AP3D1: variants seen among roughly 807,000 people sequenced by gnomAD.
AP3D1 encodes adaptor related protein complex 3 subunit delta 1.
A neutral mutation model predicts 147.6 loss-of-function variants in AP3D1; 51 were observed. The observed-to-expected ratio is 0.35, with a 90% CI of 0.28 to 0.44. AP3D1 has a LOEUF of 0.44. Ranked by LOEUF, AP3D1 falls within the 20% of genes least tolerant of loss-of-function variation. AP3D1 has a pLI of 1.00. For missense variants in AP3D1, 1,421 were observed against 1,624.2 expected, an observed-to-expected ratio of 0.87 and a Z score of 2.15; for synonymous variants, 760 against 663.0, an observed-to-expected ratio of 1.15 and a Z score of -2.25.
intron 5 of AP3D1, among the ~76,000 whole-genome samples, chr19:2,130,977 G>A (rs1026413241): frequency 1.3e-5 from 2 of 152,248 alleles, no homozygotes; most frequent in East Asian, 3.8e-4. Context: ...AATCCATGAT[G>A]GGGCACTGAC....
At chr19:2,126,117 C>G (rs1243649073) in intron 9 of AP3D1, among the ~76,000 whole-genome samples, 2 of 152,172 alleles carry the variant, frequency 1.3e-5, no homozygotes, top group Non-Finnish European at 2.9e-5. Flanking sequence ...GAGACGGGGT[C>G]TCACTCTGTC....
At chr19:2,115,916 A>C (rs2018434320) in intron 18 of AP3D1, among the ~76,000 whole-genome samples, 1 of 152,272 alleles carries the variant, frequency 6.6e-6, no homozygotes, top group South Asian at 2.1e-4. Flanking sequence ...GAGAAAAGTA[A>C]TGCGGCCTCA....
intron 15 of AP3D1, 124 bp from the exon 16 acceptor site, chr19:2,117,491 C>T (rs1003796414): frequency 1.1e-5 from 12 of 1,051,122 alleles, no homozygotes; most frequent in African/African-American, 1.6e-5. Flanking sequence ...AGCCACATAG[C>T]CACAGAGAGC....
chr19:2,155,389 T>A (rs2019636897), upstream of AP3D1, among the ~76,000 whole-genome samples: 1 of 144,328 alleles, frequency 6.9e-6, no homozygotes, highest in Admixed American at 7.0e-5. Context: ...AACAAAAAAT[T>A]AGCTGGGTGT....
At chr19:2,105,368 G>A (rs1599434843) in intron 31 of AP3D1, among the ~76,000 whole-genome samples, 1 of 152,208 alleles carries the variant, frequency 6.6e-6, no homozygotes, top group Non-Finnish European at 1.5e-5. Flanking sequence ...TGAGGGCAAG[G>A]AACACCTGGC....
At chr19:2,124,567 G>C (rs544106483) in intron 9 of AP3D1, among the ~76,000 whole-genome samples, 1 of 152,218 alleles carries the variant, frequency 6.6e-6, no homozygotes, top group Non-Finnish European at 1.5e-5. Context: ...ACAGGAGACC[G>C]TGTGTGCGTG....
In AP3D1 at chr19:2,117,006, G is replaced by A. The variant is rs1206874079; in HGVS notation, c.1859+216C>T. 4 of 803,974 alleles carry A rather than the reference G, an allele frequency of 5.0e-6. No homozygotes were observed. In the East Asian group the frequency reaches 1.1e-4, roughly 23 times the overall value. The allele number at this position is 803,974 out of a possible 1,614,324, so 49.8% of individuals were successfully genotyped here. Reference sequence around the variant, plus strand: ...GAGCTTTATGGCAAGGGTGGGAGCAGGCCCACTTCGCAGGGAGCATCCCCA... The same window carrying A: ...GAGCTTTATGGCAAGGGTGGGAGCAAGCCCACTTCGCAGGGAGCATCCCCA... On this transcript the variant is annotated intron_variant, in intron 16 of 31. Coordinates refer to ENST00000643116, the MANE Select transcript of AP3D1 (RefSeq NM_001261826.3).
chr19:2,116,183 C>A, intron 18 of AP3D1, 24 bp downstream of exon 18: 1 of 1,611,906 alleles, frequency 6.2e-7, no homozygotes, highest in Non-Finnish European at 8.5e-7. Context: ...TGCTGAGGGA[C>A]AGGCACCCGG....
rs371880675 is a variant in AP3D1 at position 2,115,378 on chromosome 19, C to T, written c.2190G>A (p.Glu730=). 6.2e-6 allele frequency: 10 copies of T among 1,607,010 alleles called. No individual in the cohort carries two copies. Among genetic ancestry groups the T allele is most frequent in the Non-Finnish European group, 8.5e-6 (10 of 1,179,906 alleles). The change falls in exon 20 of 32, where the codon GAG becomes GAA. Residue 730 remains glutamate (E), a synonymous_variant. Coordinates refer to ENST00000643116, the MANE Select transcript of AP3D1 (RefSeq NM_001261826.3). ...MSDQYVKLEE[E]RRHRQKLEKD... Reference sequence around the variant, plus strand: ...TCTCCAGCTTCTGCCGGTGCCGCCGCTCCTCCTCCAGCTTCACATACTGAT... The same window carrying T: ...TCTCCAGCTTCTGCCGGTGCCGCCGTTCCTCCTCCAGCTTCACATACTGAT...
intron 2 of AP3D1, among the ~76,000 whole-genome samples, chr19:2,138,333 T>TGCAG (rs1248149704): frequency 1.3e-5 from 2 of 152,196 alleles, no homozygotes; most frequent in Non-Finnish European, 2.9e-5. Flanking sequence ...GAGCCGAGAC[T>TGCAG]GCAGGCGAGG....
rs897412842 is a variant in AP3D1 at position 2,111,249 on chromosome 19, T to A, written c.2985+36A>T. The A allele has an allele frequency of 5.6e-6, 9 of 1,612,580 alleles. No individual in the cohort carries two copies. The East Asian group carries it at 2.0e-4, about 36-fold the overall frequency. ...CGATCCCATGCCAAAGAGTGTGGGC[T>A]GGCCCACCCTGCCCCTGGGAGCGGC... On this transcript the variant is annotated intron_variant, in intron 26 of 31. Coordinates refer to ENST00000643116, the MANE Select transcript of AP3D1 (RefSeq NM_001261826.3).
Position 2,116,704 on chromosome 19 carries a change from G to C in AP3D1, c.1902C>G (p.Ser634Arg). The change falls in exon 17 of 32, where the codon AGC (serine) becomes AGG (arginine). Residue 634 changes from serine to arginine, a missense_variant. Physicochemically the swap from Ser to Arg is moderately radical, Grantham distance 110 (BLOSUM62 -1). Around this residue, in one of 6 missense-constraint regions of AP3D1, gnomAD observed 791 missense variants for 761.4 expected, o/e 1.04. Transcript: ENST00000643116. ...CCCTGGGCCTCTCGTCCTCTGACTC[G>C]CTGTCCGAGAGTGGCTCATTGATCC... Reference protein sequence around the residue: ...DAWINEPLSDSESEDERPRAV... With the variant: ...DAWINEPLSDRESEDERPRAV... 1 of 1,611,462 alleles carries C rather than the reference G, an allele frequency of 6.2e-7. No homozygotes were observed.
chr19:2,117,476 G>A lies in AP3D1; in HGVS notation c.1714-109C>T. The A allele has an allele frequency of 3.3e-6, 4 of 1,227,964 alleles. No individual in the cohort carries two copies. In the South Asian group the frequency reaches 6.6e-5, roughly 20 times the overall value. 76.1% of individuals were successfully genotyped at this position (1,227,964 alleles called of 1,614,324 possible). ...TGGCACAGTGACGTGTGGGCCCCCT[G>A]GTACAGCCACATAGCCACAGAGAGC... is the stretch of plus-strand genomic sequence containing the variant. On this transcript the variant is annotated intron_variant, in intron 15 of 31. Transcript: ENST00000643116.
Position 2,157,378 on chromosome 19 carries a change from CT to C in AP3D1, c.-103+6977del, listed in dbSNP as rs550484172. 7.2e-5 allele frequency among the ~76,000 whole-genome samples: 10 copies of C among 138,290 alleles called. No homozygotes were observed. The East Asian group carries it at 2.0e-3, about 28-fold the overall frequency. 90.7% of individuals were successfully genotyped at this position (138,290 alleles called of 152,430 possible). On this transcript the variant is annotated intron_variant, in intron 1 of 14. Transcript: ENST00000643010. Reference sequence around the variant, plus strand: ...AATGGCGTGAACCCGGGAGGCAGAGCTTGCAGTGAGCCGAGATTGCGCCACT... The same window carrying C: ...AATGGCGTGAACCCGGGAGGCAGAGCTGCAGTGAGCCGAGATTGCGCCACT...
rs183486048 is a variant in AP3D1, at chr19:2,137,820, G to A, written c.193-13C>T. 335 of 1,613,090 alleles carry A rather than the reference G, an allele frequency of 2.1e-4. No homozygotes were observed. In the East Asian group the frequency reaches 6.3e-3, roughly 30 times the overall value. ...CCAACATCTGTAACTGTTAAGGGAC[G>A]CACAGGAAATTGCACTCACAAGCCA... On this transcript the variant is annotated splice_polypyrimidine_tract_variant and intron_variant, in intron 2 of 31. Coordinates refer to ENST00000643116, the MANE Select transcript of AP3D1 (RefSeq NM_001261826.3).
chr19:2,143,088 G>A (rs1403859815), intron 1 of AP3D1, among the ~76,000 whole-genome samples: 3 of 151,208 alleles, frequency 2.0e-5, no homozygotes, highest in Non-Finnish European at 4.4e-5. Context: ...TTCTGAGATG[G>A]AGTCTCACTC....
chr19:2,146,016 C>T lies in AP3D1; in HGVS notation c.96+5223G>A, dbSNP rs565946412. 3.3e-5 allele frequency among the ~76,000 whole-genome samples: 5 copies of T among 150,788 alleles called. No individual in the cohort carries two copies. In the South Asian group the frequency reaches 6.2e-4, roughly 19 times the overall value. On this transcript the variant is annotated intron_variant, in intron 1 of 31. Coordinates refer to ENST00000643116, the MANE Select transcript of AP3D1 (RefSeq NM_001261826.3). ...CTTTCATGCTTGCTGCTGGGAGAAG[C>T]TCTGTGGGGAGCGGGCGCTTTCCTG...
Position 2,123,870 on chromosome 19 carries a change from G to A in AP3D1, c.866C>T (p.Ser289Leu), listed in dbSNP as rs868033109. Residue 289 changes from serine (S) to leucine (L), a missense_variant, in exon 10 of 32, where the codon TCG (serine) becomes TTG (leucine). Ser to Leu is a moderately radical substitution (Grantham distance 145, BLOSUM62 -2). Coordinates refer to ENST00000643116, the MANE Select transcript of AP3D1 (RefSeq NM_001261826.3). The part of the protein sequence containing the change: ...CVNTVIAVLI[S>L]LSSGMPNHSA... ...GTGGTTGGGCATGCCGGAGGACAGC[G>A]AGATGAGCACTGCAACAGACAGCTT... 4 of 1,577,440 alleles carry A rather than the reference G, an allele frequency of 2.5e-6. No individual in the cohort carries two copies. The highest frequency in any genetic ancestry group is 3.4e-6 in the Non-Finnish European group (4 of 1,161,808).
chr19:2,114,937 G>A, intron 20 of AP3D1, 116 bp from the exon 21 acceptor site: 1 of 1,182,210 alleles, frequency 8.5e-7, no homozygotes, highest in Non-Finnish European at 1.2e-6. Context: ...GGTGGGCAGT[G>A]ACGTGGCTCC....
Sources: allele counts gnomAD v4.1 joint callset (sites outside exome capture counted in the v4.1 genomes callset), GRCh38; gene constraint gnomAD v4.1.1; regional missense constraint gnomAD v4.1.1; transcripts MANE v1.5; gene names NCBI Gene and HGNC (gene_info 2026-07-23, HGNC 2026-07-21).